Variants in PLEKHA6 observed in about 807,000 individuals in gnomAD.
PLEKHA6 encodes the protein pleckstrin homology domain containing A6, also known as pleckstrin homology domain-containing family A member 6.
Under a neutral mutation model 116.7 loss-of-function variants are expected in PLEKHA6, and 60 were observed. The ratio of observed to expected loss-of-function variants is 0.51; its 90% CI spans 0.42 to 0.64. The LOEUF is 0.64. Ranked by LOEUF, PLEKHA6 falls within the 30% of genes least tolerant of loss-of-function variation. The probability of loss-of-function intolerance (pLI) is 0.00; values close to 1 mark genes in which losing one functional copy is unlikely to be tolerated. For missense variants in PLEKHA6, 1,338 were observed against 1,422.7 expected (o/e 0.94, Z 0.96); for synonymous variants, 489 against 556.1 (o/e 0.88, Z 1.70).
Position 204,241,776 on chromosome 1 carries a change from G to T in PLEKHA6, c.2211C>A (p.His737Gln). ...ANYEQSKKDP[H>Q]QTLPLDTPRD... Reference sequence around the variant, plus strand: ...TGGGGGTGTCCAGGGGCAATGTCTGGTGGGGGTCTTTCTTGCTTTGTTCAT... The same window carrying T: ...TGGGGGTGTCCAGGGGCAATGTCTGTTGGGGGTCTTTCTTGCTTTGTTCAT... Residue 737 changes from histidine to glutamine, a missense_variant, in exon 16 of 23, where the codon CAC (histidine) becomes CAA (glutamine). Physicochemically the swap from His to Gln is conservative, Grantham distance 24. Coordinates refer to ENST00000272203, the MANE Select transcript of PLEKHA6 (RefSeq NM_014935.5). 1 of 1,614,160 alleles carries T rather than the reference G, an allele frequency of 6.2e-7. No homozygotes were observed. The highest frequency in any genetic ancestry group is 8.5e-7 in the Non-Finnish European group (1 of 1,179,982).
intron 1 of PLEKHA6, among the ~76,000 whole-genome samples, chr1:204,348,997 C>T (rs1301126383): frequency 1.3e-5 from 2 of 152,194 alleles, no homozygotes; most frequent in African/African-American, 2.4e-5. Flanking sequence ...CTTCAGCCCA[C>T]GCAGCTAGCC....
At chr1:204,364,926 A>G (rs1450228219), upstream of PLEKHA6, among the ~76,000 whole-genome samples, 1 of 152,232 alleles carries the variant, frequency 6.6e-6, no homozygotes, top group Non-Finnish European at 1.5e-5. Flanking sequence ...GGAAAATGAC[A>G]CAAGTATAAG....
intron 1 of PLEKHA6, among the ~76,000 whole-genome samples, chr1:204,283,950 T>C (rs1668906528): frequency 6.6e-6 from 1 of 152,130 alleles, no homozygotes; most frequent in Non-Finnish European, 1.5e-5. Context: ...TGTTTGAGTT[T>C]GATGGAGCAG....
intron 1 of PLEKHA6, among the ~76,000 whole-genome samples, chr1:204,344,381 T>C (rs933775206): frequency 1.3e-5 from 2 of 151,992 alleles, no homozygotes; most frequent in Non-Finnish European, 2.9e-5. Flanking sequence ...AGGTGGATCA[T>C]TTGAGCTCAG....
intron 4 of PLEKHA6, among the ~76,000 whole-genome samples, chr1:204,267,880 A>G (rs1276881830): frequency 1.3e-5 from 2 of 152,068 alleles, no homozygotes; most frequent in Non-Finnish European, 2.9e-5. Context: ...CTAGCAGGAG[A>G]CACCCCTACC....
At chr1:204,348,029 C>A (rs1199696751) in intron 1 of PLEKHA6, among the ~76,000 whole-genome samples, 1 of 152,166 alleles carries the variant, frequency 6.6e-6, no homozygotes, top group Non-Finnish European at 1.5e-5. Context: ...GTACATCCAA[C>A]TTGAATTTCA....
chr1:204,366,169 T>C (rs553299041), intron 3 of PLEKHA6, among the ~76,000 whole-genome samples: 1 of 152,276 alleles, frequency 6.6e-6, no homozygotes, highest in South Asian at 2.1e-4. Context: ...TAGTGAACAA[T>C]CTCTAGAGCC....
At chr1:204,300,636 A>G (rs931332370) in intron 1 of PLEKHA6, among the ~76,000 whole-genome samples, 9 of 152,226 alleles carry the variant, frequency 5.9e-5, no homozygotes, top group African/African-American at 2.2e-4. Context: ...AAGATGTCAA[A>G]GTCAGAGCTC....
At chr1:204,281,713 C>A (rs1419201351) in intron 1 of PLEKHA6, among the ~76,000 whole-genome samples, 1 of 152,154 alleles carries the variant, frequency 6.6e-6, no homozygotes, top group East Asian at 1.9e-4. Context: ...TTGCTTTCAC[C>A]TTTCTTCTCT....
chr1:204,280,998 G>A (rs76471565), intron 1 of PLEKHA6: 23,989 of 984,460 alleles, frequency 0.024, 336 homozygotes, highest in Non-Finnish European at 0.027. Context: ...GCACTTCTAG[G>A]TATTTGCAGG....
intron 1 of PLEKHA6, among the ~76,000 whole-genome samples, chr1:204,337,998 T>C (rs1213728385): frequency 6.6e-6 from 1 of 152,248 alleles, no homozygotes; most frequent in Non-Finnish European, 1.5e-5. Flanking sequence ...CAGTCTTATT[T>C]CTTTTCATCC....
chr1:204,376,134 G>A (rs74376764), intron 1 of PLEKHA6, among the ~76,000 whole-genome samples: 2,060 of 152,220 alleles, frequency 0.014, 47 homozygotes, highest in African/African-American at 0.048. Flanking sequence ...CCAGTGCCTA[G>A]CACTGCAGCA....
chr1:204,281,638 G>A (rs1227742986), intron 1 of PLEKHA6, among the ~76,000 whole-genome samples: 2 of 152,152 alleles, frequency 1.3e-5, no homozygotes, highest in South Asian at 2.1e-4. Flanking sequence ...GCTCCTTGAA[G>A]ATCAAAATAC....
upstream of PLEKHA6, among the ~76,000 whole-genome samples, chr1:204,363,510 T>G (rs1673598134): frequency 6.6e-6 from 1 of 152,050 alleles, no homozygotes; most frequent in Non-Finnish European, 1.5e-5. Context: ...GCAGAAAGCG[T>G]CCTGCCACGT....
At position 204,257,430 on chromosome 1, in the gene PLEKHA6, G is replaced by T. The variant is rs529169780; in HGVS notation, c.1447C>A (p.Arg483=). 1 of 1,566,052 alleles carries T rather than the reference G, an allele frequency of 6.4e-7. No individual in the cohort carries two copies. The highest frequency in any genetic ancestry group is 8.7e-7 in the Non-Finnish European group (1 of 1,154,460). ...ATGTCCTCACTGCGAGGTGGCAGCC[G>T]CTCAAAACGGGCACTGGGTGAGCGG... ...PVRSPSARFE[R]LPPRSEDIYA... The change falls in exon 9 of 23, where the codon CGG becomes AGG. Residue 483 remains arginine (R), a synonymous_variant. Transcript: ENST00000272203. This position sits in a 1 kb window ranked among gnomAD's most constrained non-coding sequence, Gnocchi z 6.5.
rs764611410 is a variant in PLEKHA6, at chr1:204,229,111, G to T, written c.2584-7C>A. 1 of 1,610,366 alleles carries T rather than the reference G, an allele frequency of 6.2e-7. No homozygotes were observed. The highest frequency in any genetic ancestry group is 8.5e-7 in the Non-Finnish European group (1 of 1,179,482). On this transcript the variant is annotated splice_region_variant and splice_polypyrimidine_tract_variant and intron_variant, in intron 18 of 22. Coordinates refer to ENST00000272203, the MANE Select transcript of PLEKHA6 (RefSeq NM_014935.5). ...TGCTGCGGTGGCGGCGCACCTAGGGGACAGCAGCATCGTGATTGCACCATG... is the reference window on the plus strand; with the variant it reads ...TGCTGCGGTGGCGGCGCACCTAGGGTACAGCAGCATCGTGATTGCACCATG...
At chr1:204,375,530 C>T (rs757945269) in intron 1 of PLEKHA6, among the ~76,000 whole-genome samples, 5 of 152,088 alleles carry the variant, frequency 3.3e-5, no homozygotes, top group Admixed American at 6.6e-5. Flanking sequence ...CATTTTAATT[C>T]GGGCCCCATC....
chr1:204,315,759 C>T (rs1243793052), intron 1 of PLEKHA6, among the ~76,000 whole-genome samples: 2 of 152,168 alleles, frequency 1.3e-5, no homozygotes, highest in Non-Finnish European at 2.9e-5. Context: ...CAAAACCATC[C>T]TCCCGTGACA....
In PLEKHA6 at chr1:204,220,524, A is replaced by T. The variant is rs1444749437; in HGVS notation, c.*2264T>A. On this transcript the variant is annotated 3_prime_UTR_variant, in exon 23 of 23. Transcript: ENST00000272203. ...CCTCATTTGCCAATTCCATTCAGAC[A>T]TTGCACAATTTGAAAATAGATTTGC... 6.6e-6 allele frequency: 1 copy of T among 152,632 alleles called. No individual in the cohort carries two copies. The highest frequency in any genetic ancestry group is 1.5e-5 in the Non-Finnish European group (1 of 68,042). The allele number at this position is 152,632 out of a possible 1,614,324, so 9.5% of individuals were successfully genotyped here.
Sources: allele counts gnomAD v4.1 joint callset (sites outside exome capture counted in the v4.1 genomes callset), GRCh38; gene constraint gnomAD v4.1.1; non-coding constraint Gnocchi (gnomAD v3.1); transcripts MANE v1.5; gene names NCBI Gene and HGNC (gene_info 2026-07-23, HGNC 2026-07-21).